The following CCM2 variants were observed in gnomAD, a reference collection of about 807,000 sequenced individuals.
The protein encoded by CCM2 is cerebral cavernous malformations 2 protein.
In CCM2, 25 loss-of-function variants were observed where a neutral mutation model predicts 44.9. The observed-to-expected ratio is 0.56, with a 90% CI of 0.41 to 0.78. CCM2 has a LOEUF of 0.78. CCM2 is among the 30% of genes least tolerant of loss of function. The pLI is 0.00. For missense variants in CCM2, 481 were observed against 580.6 expected, an observed-to-expected ratio of 0.83 and a Z score of 1.76; for synonymous variants, 219 against 241.1, an observed-to-expected ratio of 0.91 and a Z score of 0.85.
At chr7:45,028,986 G>A (rs537159144) in intron 1 of CCM2, among the ~76,000 whole-genome samples, 1 of 152,302 alleles carries the variant, frequency 6.6e-6, no homozygotes, top group South Asian at 2.1e-4. Context: ...GTGTCTCTCT[G>A]GGACTATAGC....
chr7:45,017,189 G>A (rs1166830696), intron 1 of CCM2, among the ~76,000 whole-genome samples: 3 of 152,346 alleles, frequency 2.0e-5, no homozygotes, highest in Admixed American at 6.5e-5. Flanking sequence ...GGTACTAAGC[G>A]TAGTATCTGA....
chr7:45,019,642 G>T (rs1158380549), intron 1 of CCM2, among the ~76,000 whole-genome samples: 1 of 152,012 alleles, frequency 6.6e-6, no homozygotes. Context: ...GAGTGCAATG[G>T]TGTGATCATA....
At chr7:45,028,842 T>G (rs956699954) in intron 1 of CCM2, among the ~76,000 whole-genome samples, 1 of 152,006 alleles carries the variant, frequency 6.6e-6, no homozygotes, top group African/African-American at 2.4e-5. Flanking sequence ...GCTGGAAGTT[T>G]GTGGAAATTC....
chr7:45,061,633 T>TTTG (rs776681005), intron 2 of CCM2, among the ~76,000 whole-genome samples: 2 of 151,578 alleles, frequency 1.3e-5, no homozygotes, highest in East Asian at 1.9e-4. Flanking sequence ...GCCCAACTAT[T>TTTG]TTGTTGTTGT....
At chr7:45,003,123 TG>T (rs1795712948) in intron 1 of CCM2, among the ~76,000 whole-genome samples, 1 of 152,174 alleles carries the variant, frequency 6.6e-6, no homozygotes. Context: ...TTGCCCAGGC[TG>T]GAGTGCAATG....
intron 1 of CCM2, among the ~76,000 whole-genome samples, chr7:45,026,112 G>T (rs527553207): frequency 6.6e-6 from 1 of 152,286 alleles, no homozygotes; most frequent in South Asian, 2.1e-4. Context: ...AGGCTGCTCA[G>T]CTGAGTGGCA....
chr7:45,003,705 G>C (rs1212621526), intron 1 of CCM2, among the ~76,000 whole-genome samples: 5 of 147,248 alleles, frequency 3.4e-5, no homozygotes, highest in Non-Finnish European at 7.5e-5. Flanking sequence ...TCCAGCCTGG[G>C]CAACAGGGCA....
intron 2 of CCM2, among the ~76,000 whole-genome samples, chr7:45,041,988 T>C (rs1797526377): frequency 6.6e-6 from 1 of 151,974 alleles, no homozygotes; most frequent in Non-Finnish European, 1.5e-5. Flanking sequence ...GTGGTAAAGG[T>C]GGTGTTGTCG....
intron 2 of CCM2, among the ~76,000 whole-genome samples, chr7:45,038,811 A>G (rs2128729477): frequency 6.6e-6 from 1 of 152,364 alleles, no homozygotes; most frequent in East Asian, 1.9e-4. Context: ...GTCACCGCCT[A>G]GAATTCAGAC....
In CCM2 at chr7:45,069,675, T is replaced by C. The variant is rs982697196; in HGVS notation, c.610-151T>C. On this transcript the variant is annotated intron_variant, in intron 5 of 9. Transcript: ENST00000258781. ...CTGGGTCTCTCTTTTGACACCCCTT[T>C]GGGTCAGTGAAAGGCAGAGGGACAC... The C allele has an allele frequency of 1.5e-5, 15 of 999,772 alleles. No individual in the cohort carries two copies. In the African/African-American group the frequency reaches 1.7e-4, roughly 12 times the overall value. The allele number at this position is 999,772 out of a possible 1,614,324, so 61.9% of individuals were successfully genotyped here.
At chr7:45,069,299 T>C (rs1032059754) in intron 5 of CCM2, among the ~76,000 whole-genome samples, 5 of 152,240 alleles carry the variant, frequency 3.3e-5, no homozygotes, top group African/African-American at 1.2e-4. Flanking sequence ...TTGAGCAGCA[T>C]CCCAGCTTCT....
chr7:45,068,138 A>G (rs1047849375), intron 4 of CCM2: 5 of 439,750 alleles, frequency 1.1e-5, no homozygotes, highest in Non-Finnish European at 1.7e-5. Flanking sequence ...ACACATGGAA[A>G]CCTCCTGGAG....
intron 1 of CCM2, among the ~76,000 whole-genome samples, chr7:45,007,007 A>G (rs1795872928): frequency 6.6e-6 from 1 of 152,192 alleles, no homozygotes. Flanking sequence ...GTAACTCATC[A>G]AGACAGAAGA....
chr7:45,058,605 T>G (rs1203838148), intron 2 of CCM2, among the ~76,000 whole-genome samples: 1 of 152,020 alleles, frequency 6.6e-6, no homozygotes, highest in Admixed American at 6.6e-5. Context: ...TTGTTGAGAA[T>G]GATGGTTTCC....
chr7:45,047,666 G>A (rs1321564925), intron 2 of CCM2, among the ~76,000 whole-genome samples: 3 of 152,220 alleles, frequency 2.0e-5, no homozygotes, highest in Non-Finnish European at 2.9e-5. Context: ...AAATGACACA[G>A]TTGCTGAGGT....
At chr7:45,075,143 C>T (rs1583997263) in intron 9 of CCM2, among the ~76,000 whole-genome samples, 1 of 152,230 alleles carries the variant, frequency 6.6e-6, no homozygotes, top group Admixed American at 6.5e-5. Flanking sequence ...GCTGGGGCAG[C>T]CTGTCTGTAC....
chr7:45,059,810 A>G (rs1798442228), intron 2 of CCM2, among the ~76,000 whole-genome samples: 1 of 152,228 alleles, frequency 6.6e-6, no homozygotes, highest in East Asian at 1.9e-4. Context: ...TACATTCACA[A>G]CTAATCAAAA....
intron 2 of CCM2, among the ~76,000 whole-genome samples, chr7:45,049,396 C>T (rs1041743163): frequency 2.0e-5 from 3 of 152,216 alleles, no homozygotes; most frequent in African/African-American, 7.2e-5. Context: ...TGTGTCTTTA[C>T]AGTCTGTCCA....
At chr7:45,035,301 A>G (rs1000400722) in intron 1 of CCM2, among the ~76,000 whole-genome samples, 2 of 152,196 alleles carry the variant, frequency 1.3e-5, no homozygotes, top group Admixed American at 6.5e-5. Context: ...TAAAAATTCA[A>G]ATATTAAAAA....
Sources: gnomAD v4.1 joint callset for allele counts (sites outside exome capture counted in the v4.1 genomes callset) on GRCh38, gnomAD v4.1.1 for gene constraint, MANE v1.5 for transcripts, NCBI Gene and HGNC (gene_info 2026-07-23, HGNC 2026-07-21) for gene names.